Variants in DLGAP2 observed in about 807,000 individuals in gnomAD.
DLGAP2 encodes disks large-associated protein 2.
A neutral mutation model predicts 100.3 loss-of-function variants in DLGAP2; 26 were observed. That is an observed-to-expected ratio of 0.26 (90% CI 0.19 to 0.36). The LOEUF (loss-of-function observed/expected upper bound fraction) is 0.36, where lower values mean the gene tolerates loss of function less well. DLGAP2 is among the 10% of genes least tolerant of loss of function. The probability of loss-of-function intolerance (pLI) is 1.00; values close to 1 mark genes in which losing one functional copy is unlikely to be tolerated. For missense variants in DLGAP2, 1,858 were observed against 1,453.2 expected (o/e 1.28, Z -4.53); for synonymous variants, 886 against 630.1 (o/e 1.41, Z -6.08).
chr8:1,355,418 G>T (rs1299876490), intron 3 of DLGAP2, among the ~76,000 whole-genome samples: 1 of 152,046 alleles, frequency 6.6e-6, no homozygotes, highest in Non-Finnish European at 1.5e-5. Flanking sequence ...AGGTTGGAGT[G>T]CAGTGGCTCA....
At chr8:895,849 T>G (rs1215230897) in intron 1 of DLGAP2, among the ~76,000 whole-genome samples, 7 of 58,868 alleles carry the variant, frequency 1.2e-4, no homozygotes, top group Middle Eastern at 8.5e-3. Flanking sequence ...GTGAGAGGTG[T>G]CAATCCCCAG....
intron 2 of DLGAP2, among the ~76,000 whole-genome samples, chr8:1,153,112 C>T (rs1796723937): frequency 6.6e-6 from 1 of 152,102 alleles, no homozygotes; most frequent in Non-Finnish European, 1.5e-5. Context: ...CTGCTTTGAC[C>T]CACCCTGACT....
intron 3 of DLGAP2, chr8:1,301,828 G>A (rs1800349920): frequency 1.3e-5 from 2 of 152,368 alleles, no homozygotes; most frequent in Non-Finnish European, 2.9e-5. Context: ...CATGCCTCCA[G>A]GAAGGGCTGT....
chr8:1,056,135 T>C (rs1802876429), intron 2 of DLGAP2, among the ~76,000 whole-genome samples: 1 of 152,216 alleles, frequency 6.6e-6, no homozygotes, highest in Non-Finnish European at 1.5e-5. Flanking sequence ...TGGAGGGCTT[T>C]TAGAGAAAAA....
chr8:1,062,260 C>T (rs888180887), intron 2 of DLGAP2, among the ~76,000 whole-genome samples: 3 of 152,168 alleles, frequency 2.0e-5, no homozygotes, highest in African/African-American at 4.8e-5. Context: ...GGCCATGCAT[C>T]GCAGTCCTGT....
chr8:1,168,055 C>T (rs1336347818), intron 2 of DLGAP2, among the ~76,000 whole-genome samples: 3 of 128,344 alleles, frequency 2.3e-5, no homozygotes, highest in South Asian at 3.1e-4. Flanking sequence ...CAACAGTCCC[C>T]AGAGTGTGAT....
chr8:801,070 G>A (rs985116560), intron 1 of DLGAP2, among the ~76,000 whole-genome samples: 7 of 308 alleles, frequency 0.023, no homozygotes, highest in Non-Finnish European at 0.077. Flanking sequence ...CACCAGATCC[G>A]TGGTCTTCTC....
chr8:1,605,437 T>C (rs1796765328), intron 6 of DLGAP2, among the ~76,000 whole-genome samples: 1 of 152,168 alleles, frequency 6.6e-6, no homozygotes, highest in Non-Finnish European at 1.5e-5. Context: ...TGTTCGTGAC[T>C]TGAAGGAAGC....
intron 4 of DLGAP2, among the ~76,000 whole-genome samples, chr8:1,546,968 C>T (rs1222613868): frequency 1.3e-5 from 2 of 152,188 alleles, no homozygotes; most frequent in African/African-American, 4.8e-5. Context: ...GAGGTGGCCA[C>T]TTCTTGCTCC....
intron 2 of DLGAP2, among the ~76,000 whole-genome samples, chr8:1,200,841 T>A (rs1372124128): frequency 6.6e-6 from 1 of 152,220 alleles, no homozygotes; most frequent in Non-Finnish European, 1.5e-5. Context: ...TGTTTTCCGT[T>A]CCCACATATC....
intron 6 of DLGAP2, among the ~76,000 whole-genome samples, chr8:1,620,109 A>G (rs1224614715): frequency 2.0e-5 from 3 of 152,104 alleles, no homozygotes; most frequent in Non-Finnish European, 4.4e-5. Flanking sequence ...GTTCCTGACA[A>G]GTTGTTCAAA....
At chr8:1,322,698 A>G (rs1223619224) in intron 3 of DLGAP2, among the ~76,000 whole-genome samples, 1 of 152,244 alleles carries the variant, frequency 6.6e-6, no homozygotes, top group Admixed American at 6.5e-5. Context: ...CTGTGACTTC[A>G]CACATGTTGT....
At chr8:1,355,201 G>A (rs1778467481) in intron 3 of DLGAP2, among the ~76,000 whole-genome samples, 2 of 152,248 alleles carry the variant, frequency 1.3e-5, no homozygotes, top group South Asian at 2.1e-4. Context: ...GACAGTGGTG[G>A]CACCCGCGTG....
chr8:1,389,426 G>A (rs1444873988), intron 3 of DLGAP2, among the ~76,000 whole-genome samples: 4 of 152,090 alleles, frequency 2.6e-5, no homozygotes, highest in East Asian at 1.9e-4. Flanking sequence ...ATGATAACAC[G>A]GGAGTTGACA....
At chr8:1,322,843 G>C (rs77793952) in intron 3 of DLGAP2, among the ~76,000 whole-genome samples, 3,905 of 152,198 alleles carry the variant, frequency 0.026, 176 homozygotes, top group African/African-American at 0.089. Context: ...TATATTTGTA[G>C]GTTTCTATGA....
chr8:947,889 G>T (rs554291677), intron 2 of DLGAP2, among the ~76,000 whole-genome samples: 1 of 146,360 alleles, frequency 6.8e-6, no homozygotes, highest in South Asian at 2.2e-4. Context: ...GCCAGCCCGT[G>T]TGGGCCATGG....
intron 3 of DLGAP2, among the ~76,000 whole-genome samples, chr8:1,376,545 G>A (rs1321464508): frequency 8.5e-5 from 13 of 152,206 alleles, no homozygotes; most frequent in East Asian, 3.9e-4. Context: ...AGAAGAAGAC[G>A]CTCCCTTTCA....
At chr8:1,561,725 CGCGCCTCGTTTCTGGGGG>C (rs1802169718) in intron 5 of DLGAP2, among the ~76,000 whole-genome samples, 3 of 130,854 alleles carry the variant, frequency 2.3e-5, no homozygotes, top group African/African-American at 6.1e-5. Flanking sequence ...TTGGGGTGTC[CGCGCCTCGTTTCTGGGGG>C]ACTGTGTGGT....
At chr8:840,530 C>T (rs796193601) in intron 1 of DLGAP2, among the ~76,000 whole-genome samples, 864 of 64,126 alleles carry the variant, frequency 0.013, 6 homozygotes, top group Non-Finnish European at 0.019. Context: ...TGCACGCCTG[C>T]ACGTCTCCCC....
Sources: gnomAD v4.1 joint callset for allele counts (sites outside exome capture counted in the v4.1 genomes callset) on GRCh38, gnomAD v4.1.1 for gene constraint, MANE v1.5 for transcripts, NCBI Gene and HGNC (gene_info 2026-07-23, HGNC 2026-07-21) for gene names.